TCF4: variants seen among roughly 807,000 people sequenced by gnomAD.
The protein encoded by TCF4 is transcription factor 4.
A neutral mutation model predicts 82.1 loss-of-function variants in TCF4; 3 were observed. The observed-to-expected ratio is 0.04, with a 90% confidence interval of 0.02 to 0.09. TCF4 has a LOEUF of 0.09. TCF4 is among the 10% of genes least tolerant of loss of function. The probability of loss-of-function intolerance (pLI) is 1.00; values close to 1 mark genes in which losing one functional copy is unlikely to be tolerated. For missense variants in TCF4, 518 were observed against 852.7 expected (o/e 0.61, Z 4.89); for synonymous variants, 276 against 309.6 (o/e 0.89, Z 1.14).
intron 6 of TCF4, among the ~76,000 whole-genome samples, chr18:55,370,120 G>A (rs112840318): frequency 1.3e-5 from 2 of 152,304 alleles, no homozygotes; most frequent in African/African-American, 4.8e-5. Flanking sequence ...AGAGAAGGCC[G>A]GGCGCAATGG....
intron 5 of TCF4, among the ~76,000 whole-genome samples, chr18:55,420,636 G>A (rs1413552994): frequency 1.3e-5 from 2 of 152,126 alleles, no homozygotes. Flanking sequence ...TTTGGTGGGA[G>A]GAGAAAACTA....
At position 55,508,289 on chromosome 18, in the gene TCF4, C is replaced by T. The variant is rs368457050; in HGVS notation, c.146-44152G>A. 1.3e-4 allele frequency among the ~76,000 whole-genome samples: 20 copies of T among 152,314 alleles called. No homozygotes were observed. The East Asian group carries it at 3.5e-3, about 26-fold the overall frequency. On this transcript the variant is annotated intron_variant, in intron 3 of 19. Coordinates refer to ENST00000354452, the MANE Select transcript of TCF4 (RefSeq NM_001083962.2). The stretch of plus-strand genomic sequence containing the variant: ...ATCTATAACCTACTCCAGGTCTACC[C>T]GCCCTTTCTTTTAACCAGGCTGCCA...
At chr18:55,464,259 G>T in intron 3 of TCF4, 122 bp from the exon 4 acceptor site, 1 of 817,468 alleles carries the variant, frequency 1.2e-6, no homozygotes. Flanking sequence ...CCAGGCACCG[G>T]GCTACCATGA....
intron 5 of TCF4, among the ~76,000 whole-genome samples, chr18:55,405,928 C>A (rs890840783): frequency 6.6e-6 from 1 of 152,002 alleles, no homozygotes; most frequent in South Asian, 2.1e-4. Context: ...CAAAAATAAA[C>A]CCACTGCAAA....
At chr18:55,473,276 G>A (rs1568152192) in intron 3 of TCF4, among the ~76,000 whole-genome samples, 1 of 152,218 alleles carries the variant, frequency 6.6e-6, no homozygotes, top group East Asian at 1.9e-4. Flanking sequence ...TGAAATATCT[G>A]TAGGCTGTAA....
In TCF4 at chr18:55,335,254, CTGTT is replaced by C. The variant is rs527345809; in HGVS notation, c.549+15101_549+15104del. ...GTGGATAAATATGTTTCAGGTCTGA[CTGTT>C]TGCTTCCTTTTATAAGTTTTGCAGC... is the stretch of plus-strand genomic sequence containing the variant. On this transcript the variant is annotated intron_variant, in intron 8 of 19. Transcript: ENST00000354452. 3.3e-5 allele frequency among the ~76,000 whole-genome samples: 5 copies of C among 152,306 alleles called. No individual in the cohort carries two copies. The South Asian group carries it at 1.0e-3, about 32-fold the overall frequency.
At chr18:55,229,314 C>G (rs908627387) in intron 17 of TCF4, 5 of 543,200 alleles carry the variant, frequency 9.2e-6, no homozygotes, top group Non-Finnish European at 1.7e-5. Flanking sequence ...GTGAGGGTGA[C>G]GTAGATTAAA....
intron 6 of TCF4, among the ~76,000 whole-genome samples, chr18:55,365,221 G>GTATA (rs1459004279): frequency 7.4e-6 from 1 of 134,244 alleles, no homozygotes; most frequent in African/African-American, 3.0e-5. Flanking sequence ...ATATATATGT[G>GTATA]TGTGTGTGTG....
intron 8 of TCF4, among the ~76,000 whole-genome samples, chr18:55,347,442 C>G (rs1463217601): frequency 6.6e-6 from 1 of 152,150 alleles, no homozygotes; most frequent in Non-Finnish European, 1.5e-5. Context: ...CCTGGTGGGT[C>G]TTCTGTTATC....
intron 3 of TCF4, among the ~76,000 whole-genome samples, chr18:55,544,904 T>C (rs1257136770): frequency 6.6e-6 from 1 of 152,152 alleles, no homozygotes; most frequent in African/African-American, 2.4e-5. Flanking sequence ...CTTACCAGTG[T>C]TTCTAGAGTA....
intron 5 of TCF4, chr18:55,422,125 CAAAAAAAAAA>C (rs555892552): frequency 0.025 from 8,037 of 323,416 alleles, 546 homozygotes; most frequent in African/African-American, 0.21. Flanking sequence ...CACTATCATC[CAAAAAAAAAA>C]AAAAAAAAAA....
chr18:55,315,435 T>C (rs1286452249), intron 8 of TCF4, among the ~76,000 whole-genome samples: 1 of 152,174 alleles, frequency 6.6e-6, no homozygotes, highest in Non-Finnish European at 1.5e-5. Flanking sequence ...ATGTGAACTC[T>C]TAAATTCTAA....
chr18:55,237,833 C>G (rs142328407), intron 15 of TCF4, among the ~76,000 whole-genome samples: 3,018 of 152,306 alleles, frequency 0.02, 53 homozygotes, highest in Non-Finnish European at 0.032. Flanking sequence ...ATGGCATATT[C>G]TAACCCTGTT....
intron 3 of TCF4, among the ~76,000 whole-genome samples, chr18:55,567,451 T>C (rs1396100207): frequency 6.6e-6 from 1 of 152,172 alleles, no homozygotes; most frequent in Non-Finnish European, 1.5e-5. Flanking sequence ...TTAGCAAATG[T>C]AGAGATGACT....
In TCF4 at chr18:55,314,749, A is replaced by G. The variant is rs563056982; in HGVS notation, c.550-35093T>C. 2.0e-5 allele frequency among the ~76,000 whole-genome samples: 3 copies of G among 151,992 alleles called. No homozygotes were observed. In the East Asian group the frequency reaches 5.8e-4, roughly 29 times the overall value. ...CACTAGATGGCTGACAATAAAAAAA[A>G]GGAGTGTTTCCATACTGTGGATAAA... On this transcript the variant is annotated intron_variant, in intron 8 of 19. Coordinates refer to ENST00000354452, the MANE Select transcript of TCF4 (RefSeq NM_001083962.2).
Position 55,225,543 on chromosome 18 carries a change from T to C in TCF4, c.*2492A>G, listed in dbSNP as rs776772497. The C allele has an allele frequency of 2.0e-5, 3 of 152,552 alleles. No individual in the cohort carries two copies. Among genetic ancestry groups the C allele is most frequent in the Non-Finnish European group, 2.9e-5 (2 of 67,980 alleles). The allele number at this position is 152,552 out of a possible 1,614,324, so 9.4% of individuals were successfully genotyped here. ...GAGTATACCTGCTTCCTATATAATA[T>C]TGTTCCTAGGGATACCCGCCTTGGT... On this transcript the variant is annotated 3_prime_UTR_variant, in exon 20 of 20. Coordinates refer to ENST00000354452, the MANE Select transcript of TCF4 (RefSeq NM_001083962.2).
chr18:55,302,705 TGAA>T (rs2068718402), intron 8 of TCF4: 1 of 1,238,598 alleles, frequency 8.1e-7, no homozygotes. Flanking sequence ...GAGGAGGGCA[TGAA>T]GAAGGGGAGG....
At chr18:55,548,113 C>T (rs1167917656) in intron 3 of TCF4, among the ~76,000 whole-genome samples, 4 of 152,214 alleles carry the variant, frequency 2.6e-5, no homozygotes, top group African/African-American at 7.2e-5. Flanking sequence ...AGATTTGAAT[C>T]CCAATTCCTT....
At chr18:55,492,986 C>T (rs1378263435) in intron 3 of TCF4, among the ~76,000 whole-genome samples, 1 of 152,146 alleles carries the variant, frequency 6.6e-6, no homozygotes, top group African/African-American at 2.4e-5. Context: ...GGAGAATGGA[C>T]AAAAGCCATC....
Sources: gnomAD v4.1 joint callset for allele counts (sites outside exome capture counted in the v4.1 genomes callset) on GRCh38, gnomAD v4.1.1 for gene constraint, MANE v1.5 for transcripts, NCBI Gene and HGNC (gene_info 2026-07-23, HGNC 2026-07-21) for gene names.